The following PHF8 variants were observed in gnomAD, a reference collection of about 807,000 sequenced individuals.
PHF8 encodes PHD finger protein 8, also known as histone lysine demethylase PHF8.
Under a neutral mutation model 74.4 loss-of-function variants are expected in PHF8, and 9 were observed. That is an observed-to-expected ratio of 0.12 (90% CI 0.07 to 0.21). The LOEUF is 0.21. Ranked by LOEUF, PHF8 falls within the 10% of genes least tolerant of loss-of-function variation. The pLI, the probability that PHF8 is intolerant of heterozygous loss-of-function variation, is 1.00. For synonymous variants in PHF8, 311 were observed against 316.6 expected, an observed-to-expected ratio of 0.98 and a Z score of 0.19; for missense variants, 478 against 816.6, an observed-to-expected ratio of 0.59 and a Z score of 5.05.
rs782363065 is a variant in PHF8 at position 53,987,874 on chromosome X, G to C, written c.1801C>G (p.Leu601Val). 3 of 1,205,597 alleles carry C rather than the reference G, an allele frequency of 2.5e-6. No homozygotes were observed. Among genetic ancestry groups the C allele is most frequent in the Non-Finnish European group, 3.4e-6 (3 of 891,599 alleles). ...TCTTCCATCACCTGTTCTGCCATCA[G>C]CCTAGCCTTGTCTACCTTCTTTGCT... Reference protein sequence around the residue: ...KIAKKVDKARLMAEQVMEDEF... With the variant: ...KIAKKVDKARVMAEQVMEDEF... The change falls in exon 15 of 22, where the codon CTG (leucine) becomes GTG (valine). Residue 601 changes from leucine to valine, a missense_variant. By Grantham distance (32) the Leu-to-Val change is conservative. Around this residue, in one of 9 missense-constraint regions of PHF8, gnomAD observed 153 missense variants for 164.8 expected, o/e 0.93. Coordinates refer to ENST00000338154, the MANE Select transcript of PHF8 (RefSeq NM_015107.3).
intron 19 of PHF8, among the ~76,000 whole-genome samples, chrX:53,949,628 C>T (rs1475151888): frequency 3.7e-5 from 4 of 108,455 alleles, no homozygotes; most frequent in African/African-American, 1.3e-4. Flanking sequence ...CTGGCTAACA[C>T]AGTGAAACCC....
chrX:53,988,236 C>T (rs781856004), intron 14 of PHF8, among the ~76,000 whole-genome samples: 2 of 111,964 alleles, frequency 1.8e-5, no homozygotes, highest in South Asian at 7.4e-4. Flanking sequence ...AGACATACAG[C>T]AGTGGAAAAG....
chrX:54,042,710 ACACCGG>A lies in PHF8; in HGVS notation c.13_18del (p.Pro5_Val6del). 1 of 1,210,560 alleles carries A rather than the reference ACACCGG, an allele frequency of 8.3e-7. No individual in the cohort carries two copies. The highest frequency in any genetic ancestry group is 1.1e-6 in the Non-Finnish European group (1 of 894,728). ...TCGTAAGGCAGCCGGCAGAGGCAATACACCGGCACCGAGGCCATCTTCGCTCGGCCC... is the reference window on the plus strand; with the variant it reads ...TCGTAAGGCAGCCGGCAGAGGCAATACACCGAGGCCATCTTCGCTCGGCCC... On this transcript the variant is annotated inframe_deletion, in exon 2 of 22. Transcript: ENST00000338154.
chrX:53,945,018 T>C (rs2064810835), intron 19 of PHF8, among the ~76,000 whole-genome samples: 1 of 107,257 alleles, frequency 9.3e-6, no homozygotes. Flanking sequence ...TGAAACTCTG[T>C]CTCAAAAAAT....
chrX:54,036,102 C>CAAAAAA (rs1159910510), intron 2 of PHF8, among the ~76,000 whole-genome samples: 6 of 26,163 alleles, frequency 2.3e-4, no homozygotes, highest in African/African-American at 6.5e-4. Flanking sequence ...AACTCCATCT[C>CAAAAAA]AAAAAAAAAA....
In PHF8 at chrX:54,029,026, G is replaced by T. The variant is rs188956239; in HGVS notation, c.99-6183C>A. Among the ~76,000 whole-genome samples the T allele has an allele frequency of 1.8e-3, 200 of 112,213 alleles. 2 individuals are homozygous for T. Among genetic ancestry groups the T allele is most frequent in the African/African-American group, 6.1e-3 (188 of 30,876 alleles). On this transcript the variant is annotated intron_variant, in intron 2 of 21. Transcript: ENST00000338154. The stretch of plus-strand genomic sequence containing the variant: ...CAAATGAACTAAATATATAGAAAGT[G>T]TTTAGAACAGTGTCTGGCCCATAGT...
chrX:53,991,148 A>C (rs1165987688), intron 14 of PHF8, among the ~76,000 whole-genome samples: 1 of 112,033 alleles, frequency 8.9e-6, no homozygotes, highest in Admixed American at 9.5e-5. Context: ...CTGGGATTTA[A>C]ACCTCGGACT....
chrX:53,977,242 T>G (rs2065394178), intron 18 of PHF8, among the ~76,000 whole-genome samples: 1 of 111,271 alleles, frequency 9.0e-6, no homozygotes. Flanking sequence ...GGCTGAGGCA[T>G]GAGAATCACT....
At chrX:53,975,056 A>G (rs1557095649) in intron 18 of PHF8, among the ~76,000 whole-genome samples, 1 of 111,858 alleles carries the variant, frequency 8.9e-6, no homozygotes, top group African/African-American at 3.3e-5. Context: ...GTACCCCAGA[A>G]CTTAAAAGTT....
chrX:53,943,313 T>C (rs915171121), intron 20 of PHF8: 4 of 906,338 alleles, frequency 4.4e-6, no homozygotes, highest in Non-Finnish European at 4.6e-6. Flanking sequence ...AATATGAAAT[T>C]TGAAGTTAGA....
At chrX:53,976,687 TAAAA>T (rs782651624) in intron 18 of PHF8, among the ~76,000 whole-genome samples, 4 of 77,444 alleles carry the variant, frequency 5.2e-5, no homozygotes, top group Non-Finnish European at 7.7e-5. Context: ...CTTTTTAAGT[TAAAA>T]AAAAAAAAAA....
intron 7 of PHF8, among the ~76,000 whole-genome samples, chrX:54,013,613 T>C (rs1557107219): frequency 2.7e-5 from 3 of 110,639 alleles, no homozygotes; most frequent in Non-Finnish European, 1.9e-5. Context: ...AGGTCAGGCG[T>C]TCGAGACCAG....
chrX:53,984,369 AAAAAC>A (rs782234845), intron 18 of PHF8, among the ~76,000 whole-genome samples: 3 of 112,207 alleles, frequency 2.7e-5, no homozygotes, highest in South Asian at 3.7e-4. Flanking sequence ...CTGTCTCAAA[AAAAAC>A]AAAACAAAAC....
chrX:54,041,803 C>CTT (rs1357604753), intron 2 of PHF8, among the ~76,000 whole-genome samples: 2 of 112,519 alleles, frequency 1.8e-5, no homozygotes, highest in East Asian at 5.5e-4. Flanking sequence ...ATCCAAACTG[C>CTT]TTTGCAAAGT....
intron 10 of PHF8, among the ~76,000 whole-genome samples, chrX:54,000,787 C>T (rs1399627619): frequency 2.7e-5 from 3 of 112,756 alleles, no homozygotes; most frequent in Admixed American, 1.9e-4. Flanking sequence ...ACAATGATGC[C>T]AGGACGGTCA....
In PHF8 at chrX:54,000,095, A is replaced by G. The variant is rs974530277; in HGVS notation, c.1142-134T>C. The G allele has an allele frequency of 1.4e-5, 7 of 512,125 alleles. No homozygotes were observed. In the African/African-American group the frequency reaches 1.6e-4, roughly 12 times the overall value. The allele number at this position is 512,125 out of a possible 1,213,427, so 42.2% of individuals were successfully genotyped here. A position where few individuals can be genotyped will look rare whatever the true frequency, so the allele number is the denominator to read the frequency against. On this transcript the variant is annotated intron_variant, in intron 10 of 21. Transcript: ENST00000338154. ...AACTGCAGATCTCAGTTCTTCTGAT[A>G]GTGTTCATTCACTGAGTACCTACTA...
At chrX:54,009,892 G>T (rs2065956900) in intron 8 of PHF8, among the ~76,000 whole-genome samples, 1 of 79,709 alleles carries the variant, frequency 1.3e-5, no homozygotes, top group African/African-American at 4.8e-5. Flanking sequence ...GTGGCTCTTT[G>T]GAAAGATCAA....
intron 20 of PHF8, chrX:53,942,985 G>A: frequency 2.6e-6 from 2 of 762,456 alleles, no homozygotes; most frequent in Non-Finnish European, 3.1e-6. Flanking sequence ...CCTTCTTTTA[G>A]AATGCCTCCC....
chrX:53,953,329 A>T (rs76574929), intron 19 of PHF8, among the ~76,000 whole-genome samples: 10 of 165 alleles, frequency 0.061, no homozygotes, highest in East Asian at 0.5. Context: ...TAGAGAGATA[A>T]AAAAAAAAGG....
Sources: allele counts gnomAD v4.1 joint callset (sites outside exome capture counted in the v4.1 genomes callset), GRCh38; gene constraint gnomAD v4.1.1; regional missense constraint gnomAD v4.1.1; transcripts MANE v1.5; gene names NCBI Gene and HGNC (gene_info 2026-07-23, HGNC 2026-07-21).